The following ITGA4 variants were observed in gnomAD, a reference collection of about 807,000 sequenced individuals.
The protein encoded by ITGA4 is integrin subunit alpha 4.
A neutral mutation model predicts 133.6 loss-of-function variants in ITGA4; 63 were observed. That is an observed-to-expected ratio of 0.47 (90% CI 0.38 to 0.58). The LOEUF (loss-of-function observed/expected upper bound fraction) is 0.58, where lower values mean the gene tolerates loss of function less well. Ranked by LOEUF, ITGA4 falls within the 20% of genes least tolerant of loss-of-function variation. ITGA4 has a pLI of 0.00. For synonymous variants in ITGA4, 483 were observed against 438.0 expected, an observed-to-expected ratio of 1.10 and a Z score of -1.28; for missense variants, 1,076 against 1,252.7, an observed-to-expected ratio of 0.86 and a Z score of 2.13.
Position 181,482,637 on chromosome 2 carries a change from A to G in ITGA4, c.1027A>G (p.Ile343Val), listed in dbSNP as rs1304659762. 12 of 1,613,542 alleles carry G rather than the reference A, an allele frequency of 7.4e-6. No individual in the cohort carries two copies. The highest frequency in any genetic ancestry group is 1.3e-5 in the African/African-American group (1 of 74,906). The change falls in exon 9 of 28, where the codon ATC becomes GTC. Residue 343 changes from isoleucine (I) to valine (V), a missense_variant. Transcript: ENST00000397033. The part of the protein sequence containing the change: ...IREEGRVFVY[I>V]NSGSGAVMNA... ...AGAGGAAGGAAGAGTGTTTGTGTAC[A>G]TCAACTCTGGCTCGGTATGTCCAAG...
intron 2 of ITGA4, among the ~76,000 whole-genome samples, chr2:181,466,471 T>C (rs535540140): frequency 1.3e-4 from 20 of 152,224 alleles, no homozygotes; most frequent in Admixed American, 2.6e-4. Context: ...TTTCCAACTT[T>C]GATGTTTTGC....
rs1209334361 is a variant in ITGA4 at position 181,458,190 on chromosome 2, C to T, written c.198-6C>T. The T allele has an allele frequency of 6.2e-7, 1 of 1,614,070 alleles. No individual in the cohort carries two copies. The highest frequency in any genetic ancestry group is 1.1e-5 in the South Asian group (1 of 91,066). On this transcript the variant is annotated splice_polypyrimidine_tract_variant and splice_region_variant and intron_variant, in intron 1 of 27. Transcript: ENST00000397033. ...TCTGAGCGCACGTGCACGTGTCTCGCTTTAGGCTCCTAGTGGGTGCGCCCA... is the reference window on the plus strand; with the variant it reads ...TCTGAGCGCACGTGCACGTGTCTCGTTTTAGGCTCCTAGTGGGTGCGCCCA...
intron 15 of ITGA4, among the ~76,000 whole-genome samples, chr2:181,504,941 T>C (rs6714695): frequency 0.98 from 148,422 of 151,762 alleles, 72,678 homozygotes; most frequent in Middle Eastern, 1. Flanking sequence ...TGCAATTATA[T>C]AAGATGGTGA....
rs185121752 is a variant in ITGA4, at chr2:181,474,294, A to C, written c.320-666A>C. Among the ~76,000 whole-genome samples the C allele has an allele frequency of 1.3e-4, 20 of 152,348 alleles. No homozygotes were observed. The East Asian group carries it at 3.7e-3, about 28-fold the overall frequency. On this transcript the variant is annotated intron_variant, in intron 2 of 27. Coordinates refer to ENST00000397033, the MANE Select transcript of ITGA4 (RefSeq NM_000885.6). Reference sequence around the variant, plus strand: ...ATGAGCATTTTATTTATGTTTGGCTATTCATGCATTTGCCAAAGTATCTAT... The same window carrying C: ...ATGAGCATTTTATTTATGTTTGGCTCTTCATGCATTTGCCAAAGTATCTAT...
At chr2:181,513,945 A>C (rs1431952028) in intron 17 of ITGA4, among the ~76,000 whole-genome samples, 1 of 152,134 alleles carries the variant, frequency 6.6e-6, no homozygotes, top group African/African-American at 2.4e-5. Context: ...AAGCTGCTGC[A>C]AAGCAGGGTC....
intron 24 of ITGA4, among the ~76,000 whole-genome samples, chr2:181,531,229 T>C (rs1167496743): frequency 6.6e-6 from 1 of 152,192 alleles, no homozygotes; most frequent in East Asian, 1.9e-4. Flanking sequence ...TGTCTTCACC[T>C]GGGCAGCCTT....
chr2:181,524,417 C>A, intron 20 of ITGA4, 167 bp downstream of exon 20: 1 of 499,920 alleles, frequency 2.0e-6, no homozygotes, highest in Middle Eastern at 4.9e-4. Context: ...GAGTTACTGG[C>A]AATGTTTTAG....
chr2:181,471,078 T>C (rs1182311662), intron 2 of ITGA4, among the ~76,000 whole-genome samples: 1 of 152,198 alleles, frequency 6.6e-6, no homozygotes, highest in Admixed American at 6.5e-5. Context: ...ATGTAGTATA[T>C]GTATTTGCTC....
At chr2:181,534,241 A>AG in intron 25 of ITGA4, 31 bp from the exon 26 acceptor site, 1 of 1,274,532 alleles carries the variant, frequency 7.8e-7, no homozygotes, top group Non-Finnish European at 1.1e-6. Flanking sequence ...GAAATAAACC[A>AG]GGCTATGGTG....
At position 181,482,559 on chromosome 2, in the gene ITGA4, G is replaced by A; in HGVS notation, c.949G>A (p.Ala317Thr). The A allele has an allele frequency of 6.2e-7, 1 of 1,613,818 alleles. No homozygotes were observed. Among genetic ancestry groups the A allele is most frequent in the African/African-American group, 1.3e-5 (1 of 74,974 alleles). The stretch of plus-strand genomic sequence containing the variant: ...TTCTGTCTGTGCTGTGGACCTCAAT[G>A]CAGATGGCTTCTCAGATCTGCTCGT... ...GASVCAVDLN[A>T]DGFSDLLVGA... Residue 317 changes from alanine (A) to threonine (T), a missense_variant, in exon 9 of 28, where the codon GCA becomes ACA. By Grantham distance (58) the Ala-to-Thr change is moderately conservative (BLOSUM62 0). Transcript: ENST00000397033.
chr2:181,509,153 A>ATT (rs1559051269), intron 15 of ITGA4, among the ~76,000 whole-genome samples: 1 of 15,760 alleles, frequency 6.3e-5, no homozygotes, highest in Non-Finnish European at 1.1e-4. Flanking sequence ...AAAAAAAAAA[A>ATT]AAAAAAAAAA....
intron 2 of ITGA4, among the ~76,000 whole-genome samples, chr2:181,464,746 A>G (rs1685372106): frequency 6.6e-6 from 1 of 152,088 alleles, no homozygotes; most frequent in South Asian, 2.1e-4. Context: ...CTTGGGTTCC[A>G]AAGACTCATA....
chr2:181,469,334 A>G (rs1190541610), intron 2 of ITGA4, among the ~76,000 whole-genome samples: 3 of 152,218 alleles, frequency 2.0e-5, no homozygotes, highest in African/African-American at 4.8e-5. Context: ...AAGCTTGTCC[A>G]TGTGGTCCAG....
chr2:181,520,153 G>C (rs1686688915), intron 17 of ITGA4, among the ~76,000 whole-genome samples: 1 of 152,128 alleles, frequency 6.6e-6, no homozygotes, highest in African/African-American at 2.4e-5. Context: ...GCTGTTAGGG[G>C]AGAGCAATGC....
intron 10 of ITGA4, among the ~76,000 whole-genome samples, chr2:181,486,743 CTG>C (rs993029335): frequency 3.5e-4 from 54 of 152,252 alleles, no homozygotes; most frequent in African/African-American, 1.3e-3. Flanking sequence ...TCTGTTAAAA[CTG>C]TGCATAAAAT....
intron 17 of ITGA4, among the ~76,000 whole-genome samples, chr2:181,515,375 G>T (rs1012842056): frequency 2.6e-5 from 4 of 152,046 alleles, no homozygotes; most frequent in African/African-American, 9.7e-5. Context: ...TTTCCATGAA[G>T]ACTCAATAAA....
chr2:181,457,415 C>A lies in ITGA4; in HGVS notation c.-240C>A. The A allele has an allele frequency of 2.1e-6, 1 of 475,812 alleles. No individual in the cohort carries two copies. The highest frequency in any genetic ancestry group is 3.7e-6 in the Non-Finnish European group (1 of 267,698). 29.5% of individuals were successfully genotyped at this position (475,812 alleles called of 1,614,324 possible). A position where few individuals can be genotyped will look rare whatever the true frequency, so the allele number is the denominator to read the frequency against. ...CAGCGCGAGCACCCGAAGCTCCCGG[C>A]TGGCGGCAGAAACCGGGAGTGGGGC... On this transcript the variant is annotated 5_prime_UTR_variant, in exon 1 of 28. The change creates a new upstream start codon in the 5' untranslated region. Coordinates refer to ENST00000397033, the MANE Select transcript of ITGA4 (RefSeq NM_000885.6).
intron 9 of ITGA4, among the ~76,000 whole-genome samples, chr2:181,482,880 C>T (rs892314188): frequency 6.6e-6 from 1 of 152,078 alleles, no homozygotes; most frequent in African/African-American, 2.4e-5. Context: ...TAGGGAGTTT[C>T]TCTGTTCACA....
intron 23 of ITGA4, 49 bp from the exon 24 acceptor site, chr2:181,530,475 T>A (rs770860195): frequency 1.3e-6 from 2 of 1,558,126 alleles, no homozygotes; most frequent in Non-Finnish European, 8.7e-7. Context: ...TTTTTGCTGT[T>A]TTTTCCAGTG....
Sources: gnomAD v4.1 joint callset for allele counts (sites outside exome capture counted in the v4.1 genomes callset) on GRCh38, gnomAD v4.1.1 for gene constraint, MANE v1.5 for transcripts, NCBI Gene and HGNC (gene_info 2026-07-23, HGNC 2026-07-21) for gene names.